ITPK1: variants seen among roughly 807,000 people sequenced by gnomAD.
ITPK1 encodes the protein inositol-tetrakisphosphate 1-kinase, also known as inositol 1,3,4-trisphosphate 5/6-kinase.
ITPK1 carries 21 observed loss-of-function variants against 45.3 expected under a neutral mutation model. The ratio of observed to expected loss-of-function variants is 0.46; its 90% CI spans 0.33 to 0.67. The LOEUF is 0.67. Ranked by LOEUF, ITPK1 falls within the 30% of genes least tolerant of loss-of-function variation. The pLI, the probability that ITPK1 is intolerant of heterozygous loss-of-function variation, is 0.02. For synonymous variants in ITPK1, 258 were observed against 253.6 expected (o/e 1.02, Z -0.16); for missense variants, 474 against 573.5 (o/e 0.83, Z 1.77).
intron 3 of ITPK1, among the ~76,000 whole-genome samples, chr14:93,056,239 C>T (rs1057306362): frequency 1.3e-5 from 2 of 152,144 alleles, no homozygotes; most frequent in Admixed American, 6.5e-5. Context: ...AGGGAACTGT[C>T]GGGGAAGGAG....
rs10150977 is a variant in ITPK1 at position 93,106,468 on chromosome 14, T to C, written c.95+8601A>G. On this transcript the variant is annotated intron_variant, in intron 2 of 10. Coordinates refer to ENST00000267615, the MANE Select transcript of ITPK1 (RefSeq NM_014216.6). Reference sequence around the variant, plus strand: ...TTATGGCAGAGGCTTATAAGGCTTATGGTAGAGGCCAGGGTGTGTGGCCTC... The same window carrying C: ...TTATGGCAGAGGCTTATAAGGCTTACGGTAGAGGCCAGGGTGTGTGGCCTC... Among the ~76,000 whole-genome samples the C allele has an allele frequency of 5.2e-3, 794 of 152,300 alleles. 6 individuals are homozygous for C. Among genetic ancestry groups the C allele is most frequent in the African/African-American group, 0.018 (767 of 41,548 alleles).
rs553922636 is a variant in ITPK1, at chr14:93,047,957, C to T, written c.120+28638G>A. On this transcript the variant is annotated intron_variant, in intron 3 of 10. Transcript: ENST00000267615. ...TGAAGAAATATTTCTGATGACAATACATGTGAGTTCTTAATGGCCTGAAAC... is the reference window on the plus strand; with the variant it reads ...TGAAGAAATATTTCTGATGACAATATATGTGAGTTCTTAATGGCCTGAAAC... 3.9e-5 allele frequency among the ~76,000 whole-genome samples: 6 copies of T among 152,362 alleles called. No homozygotes were observed. In the South Asian group the frequency reaches 1.0e-3, roughly 26 times the overall value.
chr14:93,107,314 G>A (rs1595223580), intron 2 of ITPK1, among the ~76,000 whole-genome samples: 1 of 152,160 alleles, frequency 6.6e-6, no homozygotes, highest in African/African-American at 2.4e-5. Context: ...TGGGGTTTCA[G>A]CAGTAAATAA....
At chr14:92,983,958 T>A (rs1205789333) in intron 5 of ITPK1, among the ~76,000 whole-genome samples, 1 of 151,996 alleles carries the variant, frequency 6.6e-6, no homozygotes, top group Non-Finnish European at 1.5e-5. Context: ...TGGGCTAACA[T>A]GGAAAGAAGC....
chr14:93,015,673 G>T (rs1286272335), intron 4 of ITPK1, among the ~76,000 whole-genome samples: 2 of 152,230 alleles, frequency 1.3e-5, no homozygotes, highest in Non-Finnish European at 2.9e-5. Context: ...GATGCCAGGA[G>T]CAGGCTGCCT....
At chr14:93,103,114 A>AAAAGAAAG (rs1231428910) in intron 2 of ITPK1, among the ~76,000 whole-genome samples, 8 of 143,316 alleles carry the variant, frequency 5.6e-5, no homozygotes, top group Middle Eastern at 3.7e-3. Context: ...AAAAAAAAAA[A>AAAAGAAAG]AAAGAAAGAA....
chr14:93,082,131 A>G (rs940390685), intron 2 of ITPK1, among the ~76,000 whole-genome samples: 3 of 151,628 alleles, frequency 2.0e-5, no homozygotes, highest in Non-Finnish European at 4.4e-5. Flanking sequence ...GGGAGGACAT[A>G]GCAGGGGTGG....
intron 3 of ITPK1, among the ~76,000 whole-genome samples, chr14:93,050,920 C>A (rs12882460): frequency 6.6e-6 from 1 of 152,094 alleles, no homozygotes. Context: ...ACACGCCTTG[C>A]GGTGCTGGAA....
chr14:92,994,070 G>T, intron 4 of ITPK1, 73 bp from the exon 5 acceptor site: 1 of 925,410 alleles, frequency 1.1e-6, no homozygotes, highest in Non-Finnish European at 1.8e-6. Context: ...CGCGCCCTCT[G>T]CACGTCCATC....
intron 2 of ITPK1, among the ~76,000 whole-genome samples, chr14:93,098,475 A>C (rs1479192151): frequency 2.6e-5 from 4 of 152,016 alleles, no homozygotes; most frequent in African/African-American, 9.6e-5. Flanking sequence ...AAAACACACA[A>C]AAATTAGCCG....
At chr14:93,089,774 G>A (rs1411123326) in intron 2 of ITPK1, among the ~76,000 whole-genome samples, 3 of 152,142 alleles carry the variant, frequency 2.0e-5, no homozygotes, top group Admixed American at 6.5e-5. Flanking sequence ...TCTTCCTGCC[G>A]GCCTCCAGGC....
In ITPK1 at chr14:93,047,625, C is replaced by T. The variant is rs575134089; in HGVS notation, c.120+28970G>A. On this transcript the variant is annotated intron_variant, in intron 3 of 10. Transcript: ENST00000267615. ...TGGCAGAGGCAAGGAAGGCTCCTCC[C>T]TTCGGGGCTTCAGACGGAGCAGTGC... Among the ~76,000 whole-genome samples the T allele has an allele frequency of 1.4e-4, 22 of 152,344 alleles. No individual in the cohort carries two copies. The South Asian group carries it at 4.6e-3, about 32-fold the overall frequency.
intron 4 of ITPK1, among the ~76,000 whole-genome samples, chr14:93,001,787 C>A (rs1322266807): frequency 6.6e-6 from 1 of 152,202 alleles, no homozygotes; most frequent in Non-Finnish European, 1.5e-5. Flanking sequence ...ACTCCCCTGG[C>A]TCCTCCTGAG....
At chr14:92,942,069 G>C (rs1014104934) in intron 10 of ITPK1, among the ~76,000 whole-genome samples, 165 bp from the exon 11 acceptor site, 7 of 152,198 alleles carry the variant, frequency 4.6e-5, no homozygotes, top group African/African-American at 1.4e-4. Context: ...AAGGGGGGCT[G>C]AGGGGAGTCA....
chr14:93,077,340 CAG>C (rs1305141982), intron 2 of ITPK1, among the ~76,000 whole-genome samples: 2 of 152,012 alleles, frequency 1.3e-5, no homozygotes, highest in African/African-American at 2.4e-5. Flanking sequence ...TTTTTTGAGA[CAG>C]AGTCTCACTC....
At chr14:93,090,350 G>A (rs1178739339) in intron 2 of ITPK1, among the ~76,000 whole-genome samples, 3 of 152,176 alleles carry the variant, frequency 2.0e-5, no homozygotes, top group South Asian at 2.1e-4. Context: ...CTCAGAGGGC[G>A]GTCCAAGAGG....
intron 3 of ITPK1, among the ~76,000 whole-genome samples, chr14:93,037,783 T>C (rs993458717): frequency 6.6e-6 from 1 of 152,254 alleles, no homozygotes; most frequent in Non-Finnish European, 1.5e-5. Flanking sequence ...GCTGTGTCTA[T>C]AAAGTAATAC....
chr14:92,999,106 G>C (rs1483794808), intron 4 of ITPK1, among the ~76,000 whole-genome samples: 3 of 152,244 alleles, frequency 2.0e-5, no homozygotes, highest in Non-Finnish European at 2.9e-5. Flanking sequence ...GGAAACCTCT[G>C]TGAGTTCCAG....
chr14:93,037,052 G>A (rs771317194), intron 3 of ITPK1: 1 of 152,292 alleles, frequency 6.6e-6, no homozygotes, highest in Non-Finnish European at 1.5e-5. Context: ...GCAGGCCCAG[G>A]CAGCTGGACC....
Sources: gnomAD v4.1 joint callset for allele counts (sites outside exome capture counted in the v4.1 genomes callset) on GRCh38, gnomAD v4.1.1 for gene constraint, MANE v1.5 for transcripts, NCBI Gene and HGNC (gene_info 2026-07-23, HGNC 2026-07-21) for gene names.